The following RAB7B variants were observed in gnomAD, a reference collection of about 807,000 sequenced individuals.
The protein encoded by RAB7B is RAB7B, member RAS oncogene family, also known as ras-related protein Rab-7b.
rs1035166203 is a variant in RAB7B at position 205,989,702 on chromosome 1, C to G, written c.396+2778G>C. Among the ~76,000 whole-genome samples the G allele has an allele frequency of 3.9e-5, 6 of 152,262 alleles. No homozygotes were observed. In the South Asian group the frequency reaches 1.0e-3, roughly 26 times the overall value. Reference sequence around the variant, plus strand: ...CTGGCCCTTCTGCCTCCCCTGGTCCCTCTTCTTTCCTTCGTGGTTTCTTGG... The same window carrying G: ...CTGGCCCTTCTGCCTCCCCTGGTCCGTCTTCTTTCCTTCGTGGTTTCTTGG... On this transcript the variant is annotated intron_variant, in intron 4 of 5. Transcript: ENST00000617070.
At chr1:206,001,008 G>T (rs1660881634) in intron 1 of RAB7B, among the ~76,000 whole-genome samples, 1 of 152,160 alleles carries the variant, frequency 6.6e-6, no homozygotes, top group African/African-American at 2.4e-5. Flanking sequence ...CTTTCCCCTA[G>T]ATGCTCACTC....
intron 4 of RAB7B, among the ~76,000 whole-genome samples, chr1:205,989,118 C>T (rs921005888): frequency 1.3e-5 from 2 of 150,682 alleles, no homozygotes; most frequent in Admixed American, 6.6e-5. Flanking sequence ...GACAGGCTCC[C>T]CTCTCCTCCA....
At position 205,977,574 on chromosome 1, in the gene RAB7B, C is replaced by T. The variant is rs1038391759; in HGVS notation, c.*1277G>A. ...CCTGGAAGAGAAGGAGCACTGCTGC[C>T]CTCTGGTGGTCAGGCAGCAGAGCAT... is the stretch of plus-strand genomic sequence containing the variant. On this transcript the variant is annotated 3_prime_UTR_variant, in exon 6 of 6. Transcript: ENST00000617070. The T allele has an allele frequency of 6.6e-5, 10 of 152,144 alleles. No homozygotes were observed. The highest frequency in any genetic ancestry group is 2.4e-4 in the African/African-American group (10 of 41,420). 9.4% of individuals were successfully genotyped at this position (152,144 alleles called of 1,614,324 possible). A position where few individuals can be genotyped will look rare whatever the true frequency, so the allele number is the denominator to read the frequency against.
intron 5 of RAB7B, chr1:205,984,258 G>T (rs1413206089): frequency 2.0e-5 from 3 of 152,272 alleles, no homozygotes; most frequent in Non-Finnish European, 2.9e-5. Flanking sequence ...CCTAAGATCA[G>T]GGCTGTGAGG....
chr1:205,988,799 C>T (rs1174699333), intron 4 of RAB7B, among the ~76,000 whole-genome samples: 4 of 152,156 alleles, frequency 2.6e-5, no homozygotes, highest in Non-Finnish European at 4.4e-5. Context: ...GGGACGGGCT[C>T]CGAGGAGAAG....
chr1:206,001,168 C>T (rs1395619926), intron 1 of RAB7B, among the ~76,000 whole-genome samples: 1 of 151,916 alleles, frequency 6.6e-6, no homozygotes, highest in African/African-American at 2.4e-5. Context: ...GAAGTGGGGG[C>T]GGTTTGTGGG....
intron 1 of RAB7B, among the ~76,000 whole-genome samples, chr1:206,003,026 G>C (rs998273093): frequency 6.6e-6 from 1 of 152,212 alleles, no homozygotes; most frequent in Non-Finnish European, 1.5e-5. Context: ...GTGGGTCTCC[G>C]AGCTGGGCCT....
At chr1:205,994,180 C>G (rs929777910) in intron 1 of RAB7B, 29 bp from the exon 2 acceptor site, 5 of 398,636 alleles carry the variant, frequency 1.3e-5, no homozygotes, top group Middle Eastern at 1.3e-3. Context: ...CATCCACATG[C>G]TAGCCAATGT....
intron 1 of RAB7B, among the ~76,000 whole-genome samples, chr1:205,998,480 G>T (rs1051460015): frequency 1.9e-4 from 29 of 152,370 alleles, no homozygotes; most frequent in African/African-American, 6.5e-4. Context: ...CTCAGATTTG[G>T]TGAATTTCAA....
intron 5 of RAB7B, among the ~76,000 whole-genome samples, chr1:205,979,677 T>C (rs959430861): frequency 5.9e-5 from 9 of 152,172 alleles, no homozygotes; most frequent in African/African-American, 2.2e-4. Context: ...CCTCTGCTAG[T>C]CACAGAGCTC....
chr1:205,996,501 G>C (rs1013055148), intron 1 of RAB7B, among the ~76,000 whole-genome samples: 115 of 152,282 alleles, frequency 7.6e-4, no homozygotes, highest in African/African-American at 2.7e-3. Context: ...GAATGAGCCA[G>C]CTGAGCCCCA....
chr1:205,996,859 T>G (rs1649360745), intron 1 of RAB7B, among the ~76,000 whole-genome samples: 1 of 152,134 alleles, frequency 6.6e-6, no homozygotes, highest in African/African-American at 2.4e-5. Flanking sequence ...GAAAAGCCCC[T>G]TATAAAACCA....
chr1:205,977,880 T>G lies in RAB7B; in HGVS notation c.*971A>C, dbSNP rs1660413187. 6.6e-6 allele frequency: 1 copy of G among 152,210 alleles called. No homozygotes were observed. Among genetic ancestry groups the G allele is most frequent in the Non-Finnish European group, 1.5e-5 (1 of 68,072 alleles). 9.4% of individuals were successfully genotyped at this position (152,210 alleles called of 1,614,324 possible). ...TAAAATAGCAACTCATCCCACCCCC[T>G]GTCACTCTATCCCATTACCCTGTTT... On this transcript the variant is annotated 3_prime_UTR_variant, in exon 6 of 6. Transcript: ENST00000617070.
chr1:205,982,836 C>T (rs1660520568), intron 5 of RAB7B, among the ~76,000 whole-genome samples: 2 of 152,268 alleles, frequency 1.3e-5, no homozygotes, highest in Admixed American at 6.5e-5. Context: ...ATAGGAAATG[C>T]CTCTGAAAAC....
intron 5 of RAB7B, among the ~76,000 whole-genome samples, chr1:205,980,262 G>A (rs1660465407): frequency 6.6e-6 from 1 of 152,074 alleles, no homozygotes; most frequent in African/African-American, 2.4e-5. Flanking sequence ...TGTGAGAAAT[G>A]TCCTCATTTG....
intron 1 of RAB7B, among the ~76,000 whole-genome samples, chr1:205,997,954 A>C (rs1660830555): frequency 6.6e-6 from 1 of 152,242 alleles, no homozygotes; most frequent in Non-Finnish European, 1.5e-5. Context: ...GGCCATCTTC[A>C]CTATTACCCT....
At chr1:205,998,468 G>T (rs1176569957) in intron 1 of RAB7B, among the ~76,000 whole-genome samples, 4 of 152,216 alleles carry the variant, frequency 2.6e-5, no homozygotes, top group African/African-American at 9.6e-5. Context: ...TAGGGCACTG[G>T]GCTCAGATTT....
Sources: allele counts gnomAD v4.1 joint callset (sites outside exome capture counted in the v4.1 genomes callset), GRCh38; gene constraint gnomAD v4.1.1; transcripts MANE v1.5; gene names NCBI Gene and HGNC (gene_info 2026-07-23, HGNC 2026-07-21).